The following CABCOCO1 variants were observed in gnomAD, a reference collection of about 807,000 sequenced individuals.
The protein encoded by CABCOCO1 is ciliary associated calcium binding coiled-coil 1, also known as ciliary-associated calcium-binding coiled-coil protein 1.
Under a neutral mutation model 35.7 loss-of-function variants are expected in CABCOCO1, and 28 were observed. The observed-to-expected ratio is 0.78, with a 90% confidence interval of 0.58 to 1.07. CABCOCO1 has a LOEUF of 1.07. CABCOCO1 is among the 50% of genes least tolerant of loss of function. The pLI is 0.00. For missense variants in CABCOCO1, 326 were observed against 309.2 expected (o/e 1.05, Z -0.41); for synonymous variants, 95 against 100.1 (o/e 0.95, Z 0.30).
At chr10:61,669,300 A>T (rs1392964591) in intron 1 of CABCOCO1, among the ~76,000 whole-genome samples, 2 of 152,052 alleles carry the variant, frequency 1.3e-5, no homozygotes, top group Non-Finnish European at 2.9e-5. Flanking sequence ...GGCAGATAAT[A>T]TCAGGCTTAC....
chr10:61,755,758 G>A (rs1841885341), intron 5 of CABCOCO1, among the ~76,000 whole-genome samples: 1 of 151,874 alleles, frequency 6.6e-6, no homozygotes, highest in Admixed American at 6.6e-5. Context: ...CTCCAAACAA[G>A]CATTACTAAA....
intron 5 of CABCOCO1, among the ~76,000 whole-genome samples, chr10:61,715,604 G>A (rs1039632201): frequency 1.3e-5 from 2 of 152,148 alleles, no homozygotes; most frequent in Admixed American, 6.5e-5. Context: ...TTTCTTCATA[G>A]CATCGATGGT....
Position 61,731,065 on chromosome 10 carries a change from A to T in CABCOCO1, c.553-28994A>T, listed in dbSNP as rs529401851. Among the ~76,000 whole-genome samples the T allele has an allele frequency of 3.3e-5, 5 of 150,716 alleles. No homozygotes were observed. The South Asian group carries it at 1.1e-3, about 32-fold the overall frequency. On this transcript the variant is annotated intron_variant, in intron 5 of 7. Transcript: ENST00000648843. ...TAATTGGCAAATTTTATTGGAGTAG[A>T]GGGATCGATCATATGGCAATACTAG... is the stretch of plus-strand genomic sequence containing the variant.
intron 5 of CABCOCO1, among the ~76,000 whole-genome samples, chr10:61,725,741 T>G (rs1841132984): frequency 6.6e-6 from 1 of 152,070 alleles, no homozygotes. Flanking sequence ...ACATGTACCT[T>G]AGAACTTAAA....
intron 5 of CABCOCO1, among the ~76,000 whole-genome samples, chr10:61,751,978 C>T (rs79889255): frequency 1.4e-3 from 207 of 152,234 alleles, no homozygotes; most frequent in African/African-American, 4.7e-3. Context: ...TAGTATGATT[C>T]GCAGACTGTA....
chr10:61,682,926 A>T (rs527534990), intron 3 of CABCOCO1, among the ~76,000 whole-genome samples: 1 of 129,162 alleles, frequency 7.7e-6, no homozygotes, highest in Non-Finnish European at 1.6e-5. Context: ...TCACTCTGCC[A>T]CTTGGCCACG....
intron 5 of CABCOCO1, among the ~76,000 whole-genome samples, chr10:61,759,402 G>A (rs932130624): frequency 6.6e-6 from 1 of 151,994 alleles, no homozygotes; most frequent in African/African-American, 2.4e-5. Context: ...CACTGCCAAA[G>A]TTGGCTTCCT....
chr10:61,681,331 T>G lies in CABCOCO1; in HGVS notation c.334+19T>G. ...CTTAAAAGTAAGTACACTATTTTCCTTTGAAGTAAAACAAATTTAATTTAC... is the reference window on the plus strand; with the variant it reads ...CTTAAAAGTAAGTACACTATTTTCCGTTGAAGTAAAACAAATTTAATTTAC... On this transcript the variant is annotated intron_variant, in intron 3 of 7. Transcript: ENST00000648843. 6.7e-7 allele frequency: 1 copy of G among 1,485,440 alleles called. No homozygotes were observed. Among genetic ancestry groups the G allele is most frequent in the Non-Finnish European group, 9.2e-7 (1 of 1,090,894 alleles). The allele number at this position is 1,485,440 out of a possible 1,614,324, so 92.0% of individuals were successfully genotyped here.
rs149829362 is a variant in CABCOCO1, at chr10:61,725,399, C to T, written c.553-34660C>T. On this transcript the variant is annotated intron_variant, in intron 5 of 7. Transcript: ENST00000648843. ...GATAGACTGGATTAAGAAAATGTGG[C>T]GCATATACACCAAGGAATACTATGC... Among the ~76,000 whole-genome samples, 806 of 152,134 alleles carry T rather than the reference C, an allele frequency of 5.3e-3. 11 individuals are homozygous for T. The highest frequency in any genetic ancestry group is 0.044 in the Middle Eastern group (13 of 294).
chr10:61,695,309 C>A (rs544103637), intron 5 of CABCOCO1, among the ~76,000 whole-genome samples: 1 of 150,960 alleles, frequency 6.6e-6, no homozygotes, highest in East Asian at 2.0e-4. Flanking sequence ...AAAAAAAAAT[C>A]TAAAATAAAG....
At chr10:61,763,800 A>T (rs972161185) in intron 7 of CABCOCO1, among the ~76,000 whole-genome samples, 10 of 151,920 alleles carry the variant, frequency 6.6e-5, no homozygotes, top group African/African-American at 2.2e-4. Flanking sequence ...TAAAAAAAAA[A>T]AAAAGAACCA....
chr10:61,761,630 T>C (rs750755208), intron 7 of CABCOCO1, among the ~76,000 whole-genome samples: 3 of 152,108 alleles, frequency 2.0e-5, no homozygotes, highest in Non-Finnish European at 1.5e-5. Context: ...ATTCACATAA[T>C]TTTTCAGGCC....
At chr10:61,710,630 T>C (rs1195706053) in intron 5 of CABCOCO1, among the ~76,000 whole-genome samples, 2 of 151,898 alleles carry the variant, frequency 1.3e-5, no homozygotes, top group South Asian at 2.1e-4. Context: ...CAAGAATACA[T>C]AGAAAAGTGG....
In CABCOCO1 at chr10:61,674,889, T is replaced by A. The variant is rs192335183; in HGVS notation, c.164+2154T>A. Among the ~76,000 whole-genome samples the A allele has an allele frequency of 1.5e-4, 23 of 152,242 alleles. No homozygotes were observed. The East Asian group carries it at 2.3e-3, about 15-fold the overall frequency. On this transcript the variant is annotated intron_variant, in intron 2 of 7. Transcript: ENST00000648843. ...TTTATAGATCCATCTCAATTTTTTTTAAAAAAGAATAAGGACTAAAATGAA... is the reference window on the plus strand; with the variant it reads ...TTTATAGATCCATCTCAATTTTTTTAAAAAAAGAATAAGGACTAAAATGAA...
intron 7 of CABCOCO1, among the ~76,000 whole-genome samples, chr10:61,765,276 C>T (rs1319904632): frequency 7.2e-5 from 11 of 152,114 alleles, no homozygotes; most frequent in Admixed American, 2.6e-4. Flanking sequence ...TTAATGTGAA[C>T]GTATTTATGG....
At chr10:61,717,554 C>A (rs971577635) in intron 5 of CABCOCO1, among the ~76,000 whole-genome samples, 1 of 151,840 alleles carries the variant, frequency 6.6e-6, no homozygotes, top group African/African-American at 2.4e-5. Context: ...TATTTAACAA[C>A]CAAAAAGTAT....
chr10:61,709,410 A>G (rs533131815), intron 5 of CABCOCO1, among the ~76,000 whole-genome samples: 5 of 152,174 alleles, frequency 3.3e-5, no homozygotes, highest in African/African-American at 1.2e-4. Flanking sequence ...ATTTGGAACT[A>G]AGTCAGTTTA....
intron 5 of CABCOCO1, 72 bp from the exon 6 acceptor site, chr10:61,759,987 T>C: frequency 5.7e-6 from 9 of 1,570,412 alleles, no homozygotes; most frequent in Non-Finnish European, 7.8e-6. Flanking sequence ...GGTACATATA[T>C]AACGGAACTG....
At chr10:61,734,259 G>A (rs1026933840) in intron 5 of CABCOCO1, among the ~76,000 whole-genome samples, 1 of 151,990 alleles carries the variant, frequency 6.6e-6, no homozygotes, top group Non-Finnish European at 1.5e-5. Flanking sequence ...TTACACAGTT[G>A]TCATTTGTAC....
Sources: allele counts gnomAD v4.1 joint callset (sites outside exome capture counted in the v4.1 genomes callset), GRCh38; gene constraint gnomAD v4.1.1; transcripts MANE v1.5; gene names NCBI Gene and HGNC (gene_info 2026-07-23, HGNC 2026-07-21).